FUT5: variants seen among roughly 807,000 people sequenced by gnomAD.
FUT5 encodes 4-galactosyl-N-acetylglucosaminide 3-alpha-L-fucosyltransferase FUT5.
FUT5 carries 1 observed loss-of-function variant against 0.8 expected under a neutral mutation model. The observed-to-expected ratio is 1.26, with a 90% CI of 0.45 to 5.99. The LOEUF (loss-of-function observed/expected upper bound fraction) is 5.99, where lower values mean the gene tolerates loss of function less well. Among genes scored for constraint, FUT5 ranks in the 30% most tolerant of loss-of-function variants. The probability of loss-of-function intolerance (pLI) is 0.15; values close to 1 mark genes in which losing one functional copy is unlikely to be tolerated. For missense variants in FUT5, 437 were observed against 517.8 expected (o/e 0.84, Z 1.51); for synonymous variants, 212 against 225.7 (o/e 0.94, Z 0.54).
chr19:5,867,269 G>T lies in FUT5; in HGVS notation c.457C>A (p.Pro153Thr). Residue 153 changes from proline (P) to threonine (T), a missense_variant, in exon 2 of 2, where the codon CCC becomes ACC. Around this residue, in one of 2 missense-constraint regions of FUT5, gnomAD observed 261 missense variants for 242.6 expected, o/e 1.08. Coordinates refer to ENST00000588525, the MANE Select transcript of FUT5 (RefSeq NM_002034.2). This position sits in a 1 kb window ranked among gnomAD's most constrained non-coding sequence, Gnocchi z 5.0. ...GCTTCCAGGTGCCGGCAGTTGCTGGGGGACTCCATGCTGAACCAGATCCAG... is the reference window on the plus strand; with the variant it reads ...GCTTCCAGGTGCCGGCAGTTGCTGGTGGACTCCATGCTGAACCAGATCCAG... ...QRWIWFSMES[P>T]SNCRHLEALD... 6.8e-6 allele frequency: 11 copies of T among 1,613,448 alleles called. 1 individual carries two copies. Among genetic ancestry groups the T allele is most frequent in the African/African-American group, 1.3e-5 (1 of 75,042 alleles).
At chr19:5,870,402 A>G (rs535659064) in intron 1 of FUT5, 63 bp downstream of exon 1, 1 of 152,336 alleles carries the variant, frequency 6.6e-6, no homozygotes, top group South Asian at 2.1e-4. Flanking sequence ...CTGACTCACA[A>G]CAGAACAAAC....
Position 5,867,822 on chromosome 19 carries a change from T to A in FUT5, c.-12-85A>T. 1.4e-6 allele frequency: 2 copies of A among 1,408,038 alleles called. No homozygotes were observed. The highest frequency in any genetic ancestry group is 1.2e-5 in the South Asian group (1 of 85,362). The allele number at this position is 1,408,038 out of a possible 1,614,324, so 87.2% of individuals were successfully genotyped here. A position where few individuals can be genotyped will look rare whatever the true frequency, so the allele number is the denominator to read the frequency against. On this transcript the variant is annotated intron_variant, in intron 1 of 1. Transcript: ENST00000588525. This position sits in a 1 kb window ranked among gnomAD's most constrained non-coding sequence, Gnocchi z 5.0. ...CGTGTCCTGAGAGAAGCTGTTATAATTTATGACACAGCTTGTCATAAATGC... is the reference window on the plus strand; with the variant it reads ...CGTGTCCTGAGAGAAGCTGTTATAAATTATGACACAGCTTGTCATAAATGC...
rs1368110196 is a variant in FUT5 at position 5,868,789 on chromosome 19, T to C, written c.-12-1052A>G. 3.3e-5 allele frequency among the ~76,000 whole-genome samples: 5 copies of C among 151,990 alleles called. No individual in the cohort carries two copies. The East Asian group carries it at 9.7e-4, about 30-fold the overall frequency. ...GAGATCACACCACTGAACGCCAGCC[T>C]GGGTGACAGAATGAGACTCTGTCTC... On this transcript the variant is annotated intron_variant, in intron 1 of 1. Transcript: ENST00000588525.
intron 1 of FUT5, among the ~76,000 whole-genome samples, chr19:5,869,426 T>C (rs1300220574): frequency 6.6e-6 from 1 of 151,928 alleles, no homozygotes; most frequent in African/African-American, 2.4e-5. Flanking sequence ...AATTTTTGTA[T>C]TTTTAGTAGA....
chr19:5,866,479 A>AGGCAGCCGAGGCCCCT lies in FUT5; in HGVS notation c.*121_*122insAGGGGCCTCGGCTGCC. On this transcript the variant is annotated 3_prime_UTR_variant, in exon 2 of 2. Coordinates refer to ENST00000588525, the MANE Select transcript of FUT5 (RefSeq NM_002034.2). This position sits in a 1 kb window ranked among gnomAD's most constrained non-coding sequence, Gnocchi z 4.9. ...TGAGGCCCCAGGCAGGTGAGACCCC[A>AGGCAGCCGAGGCCCCT]GGCAGCCGAGGCCCCAGGCAGCCGA... 1 of 1,092,490 alleles carries AGGCAGCCGAGGCCCCT rather than the reference A, an allele frequency of 9.2e-7. No individual in the cohort carries two copies. The highest frequency in any genetic ancestry group is 1.3e-6 in the Non-Finnish European group (1 of 791,584). The allele number at this position is 1,092,490 out of a possible 1,614,324, so 67.7% of individuals were successfully genotyped here.
chr19:5,869,645 G>A (rs2144922466), intron 1 of FUT5, among the ~76,000 whole-genome samples: 1 of 152,196 alleles, frequency 6.6e-6, no homozygotes, highest in South Asian at 2.1e-4. Context: ...TAAAAAGAGA[G>A]GTGCTTATGG....
At chr19:5,870,247 G>C (rs189831471) in intron 1 of FUT5, among the ~76,000 whole-genome samples, 2 of 151,842 alleles carry the variant, frequency 1.3e-5, no homozygotes, top group South Asian at 2.1e-4. Context: ...AATTACATTC[G>C]GGGTAGAAAA....
Position 5,866,901 on chromosome 19 carries a change from C to A in FUT5, c.825G>T (p.Arg275Ser). Residue 275 changes from arginine (R) to serine (S), a missense_variant, in exon 2 of 2, where the codon AGG (arginine) becomes AGT (serine). Physicochemically the swap from Arg to Ser is moderately radical, Grantham distance 110 (BLOSUM62 -1). Transcript: ENST00000588525. This position sits in a 1 kb window ranked among gnomAD's most constrained non-coding sequence, Gnocchi z 4.9. ...GCACGGCCCAGGCCTCCAGGGCGTTCCTCCACAGCTTCTCGGTGATGTAGT... is the reference window on the plus strand; with the variant it reads ...GCACGGCCCAGGCCTCCAGGGCGTTACTCCACAGCTTCTCGGTGATGTAGT... Reference protein sequence around the residue: ...HPDYITEKLWRNALEAWAVPV... With the variant: ...HPDYITEKLWSNALEAWAVPV... 1.2e-6 allele frequency: 2 copies of A among 1,612,608 alleles called. No individual in the cohort carries two copies. The highest frequency in any genetic ancestry group is 1.7e-6 in the Non-Finnish European group (2 of 1,179,652).
Position 5,867,397 on chromosome 19 carries a change from G to T in FUT5, c.329C>A (p.Ser110Tyr). ...GAADCNITAD[S>Y]SVYPQADAVI... ...CGCGTCTGCCTGTGGGTACACACTG[G>T]AGTCGGCAGTGATGTTGCAGTCGGC... The change falls in exon 2 of 2, where the codon TCC becomes TAC. Residue 110 changes from serine (S) to tyrosine (Y), a missense_variant. Ser to Tyr is a moderately radical substitution (Grantham distance 144). Coordinates refer to ENST00000588525, the MANE Select transcript of FUT5 (RefSeq NM_002034.2). This position sits in a 1 kb window ranked among gnomAD's most constrained non-coding sequence, Gnocchi z 5.0. 2 of 1,613,886 alleles carry T rather than the reference G, an allele frequency of 1.2e-6. No homozygotes were observed. Among genetic ancestry groups the T allele is most frequent in the Non-Finnish European group, 1.7e-6 (2 of 1,180,008 alleles).
chr19:5,867,462 G>A lies in FUT5; in HGVS notation c.264C>T (p.Pro88=), dbSNP rs1430698812. 19 of 1,613,498 alleles carry A rather than the reference G, an allele frequency of 1.2e-5. No homozygotes were observed. The highest frequency in any genetic ancestry group is 2.2e-5 in the East Asian group (1 of 44,886). The change falls in exon 2 of 2, where the codon CCC becomes CCT. Residue 88 remains proline (P), a synonymous_variant. Coordinates refer to ENST00000588525, the MANE Select transcript of FUT5 (RefSeq NM_002034.2). This position sits in a 1 kb window ranked among gnomAD's most constrained non-coding sequence, Gnocchi z 5.0. Reference sequence around the variant, plus strand: ...TCTCTGAGCAGCGGGGCAGAGCCACGGGTGTGTTAAAAGGCCACGTCCACA... The same window carrying A: ...TCTCTGAGCAGCGGGGCAGAGCCACAGGTGTGTTAAAAGGCCACGTCCACA... ...ILLWTWPFNT[P]VALPRCSEMV...
At position 5,867,831 on chromosome 19, in the gene FUT5, C is replaced by G. The variant is rs2057511129; in HGVS notation, c.-12-94G>C. On this transcript the variant is annotated intron_variant, in intron 1 of 1. Coordinates refer to ENST00000588525, the MANE Select transcript of FUT5 (RefSeq NM_002034.2). The surrounding 1 kb of genome is among the most constrained non-coding windows in gnomAD (Gnocchi z 5.0). The stretch of plus-strand genomic sequence containing the variant: ...AGAGAAGCTGTTATAATTTATGACA[C>G]AGCTTGTCATAAATGCCCCCAGTAC... 1.5e-6 allele frequency: 2 copies of G among 1,337,978 alleles called. No individual in the cohort carries two copies. The highest frequency in any genetic ancestry group is 2.1e-6 in the Non-Finnish European group (2 of 940,752). The allele number at this position is 1,337,978 out of a possible 1,614,324, so 82.9% of individuals were successfully genotyped here. A position where few individuals can be genotyped will look rare whatever the true frequency, so the allele number is the denominator to read the frequency against.
At position 5,866,523 on chromosome 19, in the gene FUT5, C is replaced by T. The variant is rs1599679449; in HGVS notation, c.*78G>A. 1 of 1,609,532 alleles carries T rather than the reference C, an allele frequency of 6.2e-7. No homozygotes were observed. The highest frequency in any genetic ancestry group is 8.5e-7 in the Non-Finnish European group (1 of 1,178,162). The stretch of plus-strand genomic sequence containing the variant: ...CAGCCGAGGCCCCAGGTAGGTAAAT[C>T]CCCCGACTAGTGAGACCCTAGGTAG... On this transcript the variant is annotated 3_prime_UTR_variant, in exon 2 of 2. Transcript: ENST00000588525. The surrounding 1 kb of genome is among the most constrained non-coding windows in gnomAD (Gnocchi z 4.9).
chr19:5,868,451 G>A (rs1249754287), intron 1 of FUT5, among the ~76,000 whole-genome samples: 1 of 152,196 alleles, frequency 6.6e-6, no homozygotes, highest in African/African-American at 2.4e-5. Flanking sequence ...CCCGAACCAT[G>A]CTTTGTGATG....
chr19:5,867,607 T>C lies in FUT5; in HGVS notation c.119A>G (p.Asp40Gly), dbSNP rs957230392. The stretch of plus-strand genomic sequence containing the variant: ...CCCTGGCCTAGGGGATCCAGTGGCA[T>C]CGTCTCGGGACACACGCAGGTAGGA... ...FFSYLRVSRD[D>G]ATGSPRPGLM... The change falls in exon 2 of 2, where the codon GAT (aspartate) becomes GGT (glycine). Residue 40 changes from aspartate to glycine, a missense_variant. Around this residue, in one of 2 missense-constraint regions of FUT5, gnomAD observed 261 missense variants for 242.6 expected, o/e 1.08. Coordinates refer to ENST00000588525, the MANE Select transcript of FUT5 (RefSeq NM_002034.2). This position sits in a 1 kb window ranked among gnomAD's most constrained non-coding sequence, Gnocchi z 5.0. The C allele has an allele frequency of 2.5e-6, 4 of 1,613,592 alleles. No individual in the cohort carries two copies. The Admixed American group carries it at 6.7e-5, about 27-fold the overall frequency.
rs2144918327 is a variant in FUT5, at chr19:5,866,170, T to C, written c.*431A>G. On this transcript the variant is annotated 3_prime_UTR_variant, in exon 2 of 2. Coordinates refer to ENST00000588525, the MANE Select transcript of FUT5 (RefSeq NM_002034.2). The surrounding 1 kb of genome is among the most constrained non-coding windows in gnomAD (Gnocchi z 4.9). ...CTTCCCTGACCTGCCCTGCACACCT[T>C]GGGCAACACATCCAGCTCCCTTGGG... 1 of 341,280 alleles carries C rather than the reference T, an allele frequency of 2.9e-6. No individual in the cohort carries two copies. Among genetic ancestry groups the C allele is most frequent in the African/African-American group, 2.1e-5 (1 of 47,114 alleles). 21.1% of individuals were successfully genotyped at this position (341,280 alleles called of 1,614,324 possible). A position where few individuals can be genotyped will look rare whatever the true frequency, so the allele number is the denominator to read the frequency against.
rs891798297 is a variant in FUT5, at chr19:5,865,974, C to T, written c.*627G>A. ...GGGCCCAGTGCCCTCCAGGGTGAGGCATCGCAACACATCCACAGGCACTAT... is the reference window on the plus strand; with the variant it reads ...GGGCCCAGTGCCCTCCAGGGTGAGGTATCGCAACACATCCACAGGCACTAT... On this transcript the variant is annotated 3_prime_UTR_variant, in exon 2 of 2. Coordinates refer to ENST00000588525, the MANE Select transcript of FUT5 (RefSeq NM_002034.2). 1.8e-5 allele frequency: 3 copies of T among 166,800 alleles called. No individual in the cohort carries two copies. The highest frequency in any genetic ancestry group is 1.1e-4 in the Admixed American group (2 of 18,168). 10.3% of individuals were successfully genotyped at this position (166,800 alleles called of 1,614,324 possible).
rs1018909398 is a variant in FUT5 at position 5,867,391 on chromosome 19, A to G, written c.335T>C (p.Val112Ala). Residue 112 changes from valine to alanine, a missense_variant, in exon 2 of 2, where the codon GTG becomes GCG. Coordinates refer to ENST00000588525, the MANE Select transcript of FUT5 (RefSeq NM_002034.2). The surrounding 1 kb of genome is among the most constrained non-coding windows in gnomAD (Gnocchi z 5.0). Reference protein sequence around the residue: ...ADCNITADSSVYPQADAVIVH... With the variant: ...ADCNITADSSAYPQADAVIVH... ...GATGACCGCGTCTGCCTGTGGGTAC[A>G]CACTGGAGTCGGCAGTGATGTTGCA... 9 of 1,613,882 alleles carry G rather than the reference A, an allele frequency of 5.6e-6. No individual in the cohort carries two copies. Among genetic ancestry groups the G allele is most frequent in the Non-Finnish European group, 7.6e-6 (9 of 1,179,994 alleles).
At chr19:5,870,079 A>AAG (rs1482324034) in intron 1 of FUT5, among the ~76,000 whole-genome samples, 2 of 151,416 alleles carry the variant, frequency 1.3e-5, no homozygotes, top group Admixed American at 6.6e-5. Flanking sequence ...AAAAAAAAAA[A>AAG]AAAAAAAAGA....
At chr19:5,870,133 T>C (rs1326465452) in intron 1 of FUT5, among the ~76,000 whole-genome samples, 2 of 148,702 alleles carry the variant, frequency 1.3e-5, no homozygotes, top group African/African-American at 2.5e-5. Context: ...TTTAATGTGG[T>C]TGCTGGGAAG....
Sources: allele counts gnomAD v4.1 joint callset (sites outside exome capture counted in the v4.1 genomes callset), GRCh38; gene constraint gnomAD v4.1.1; regional missense constraint gnomAD v4.1.1; non-coding constraint Gnocchi (gnomAD v3.1); transcripts MANE v1.5; gene names NCBI Gene and HGNC (gene_info 2026-07-23, HGNC 2026-07-21).